The following ERBB3 variants were observed in gnomAD, a reference collection of about 807,000 sequenced individuals.
ERBB3 encodes erb-b2 receptor tyrosine kinase 3.
In ERBB3, 96 loss-of-function variants were observed where a neutral mutation model predicts 156.7. The observed-to-expected ratio is 0.61, with a 90% confidence interval of 0.52 to 0.73. The LOEUF (loss-of-function observed/expected upper bound fraction) is 0.73. Ranked by LOEUF, ERBB3 falls within the 30% of genes least tolerant of loss-of-function variation. ERBB3 has a pLI of 0.00. For missense variants in ERBB3, 1,406 were observed against 1,709.4 expected (o/e 0.82, Z 3.13); for synonymous variants, 567 against 632.0 (o/e 0.90, Z 1.54).
intron 17 of ERBB3, 48 bp downstream of exon 17, chr12:56,095,854 CCTGGAAGT>C (rs1357904280): frequency 1.2e-6 from 2 of 1,607,840 alleles, no homozygotes; most frequent in Admixed American, 3.3e-5. Flanking sequence ...TTTTGCATGT[CCTGGAAGT>C]CTCTTTATAG....
intron 23 of ERBB3, 82 bp downstream of exon 23, chr12:56,098,987 A>G: frequency 7.5e-7 from 1 of 1,336,664 alleles, no homozygotes; most frequent in Non-Finnish European, 1.0e-6. Flanking sequence ...AGAGTCTCAC[A>G]ATTGTCACCC....
rs375145270 is a variant in ERBB3 at position 56,100,223 on chromosome 12, G to A, written c.3179G>A (p.Gly1060Asp). ...PSSGYMPMNQ[G>D]NLGESCQESA... ...TCTGGATACATGCCCATGAACCAGGGTAATCTTGGGGAGTCTTGCCAGGTA... is the reference window on the plus strand; with the variant it reads ...TCTGGATACATGCCCATGAACCAGGATAATCTTGGGGAGTCTTGCCAGGTA... The change falls in exon 26 of 28, where the codon GGT becomes GAT. Residue 1060 changes from glycine (G) to aspartate (D), a missense_variant. This residue lies in a region of ERBB3 where 415 missense variants were observed against 454.1 expected (regional missense o/e 0.91). Transcript: ENST00000267101. 11 of 1,614,006 alleles carry A rather than the reference G, an allele frequency of 6.8e-6. No individual in the cohort carries two copies. Among genetic ancestry groups the A allele is most frequent in the Non-Finnish European group, 9.3e-6 (11 of 1,179,872 alleles).
At chr12:56,080,501 T>A (rs1868341264) in intron 1 of ERBB3, 119 bp downstream of exon 1, 1 of 810,910 alleles carries the variant, frequency 1.2e-6, no homozygotes, top group Non-Finnish European at 2.0e-6. Flanking sequence ...CTGCCCCCGG[T>A]TTGCCAGGAC....
chr12:56,086,431 C>G, intron 3 of ERBB3, 100 bp from the exon 4 acceptor site: 1 of 1,403,844 alleles, frequency 7.1e-7, no homozygotes, highest in Non-Finnish European at 1.0e-6. Context: ...GCCTCATTCT[C>G]CCACTCCTGA....
At position 56,100,251 on chromosome 12, in the gene ERBB3, T is replaced by A; in HGVS notation, c.3201+6T>A. ...ATCTTGGGGAGTCTTGCCAGGTAAG[T>A]TCTGTTGCTGAGAGGCTGGGTTTTA... is the stretch of plus-strand genomic sequence containing the variant. On this transcript the variant is annotated splice_donor_region_variant and intron_variant, in intron 26 of 27. Transcript: ENST00000267101. 1 of 1,610,570 alleles carries A rather than the reference T, an allele frequency of 6.2e-7. No individual in the cohort carries two copies. The highest frequency in any genetic ancestry group is 8.5e-7 in the Non-Finnish European group (1 of 1,176,764).
intron 20 of ERBB3, 43 bp downstream of exon 20, chr12:56,097,273 C>T (rs1320133039): frequency 1.3e-6 from 2 of 1,587,932 alleles, no homozygotes; most frequent in South Asian, 1.1e-5. Flanking sequence ...AACTGCTTGT[C>T]TGGGGGCCAG....
chr12:56,094,239 C>A, intron 14 of ERBB3, 50 bp downstream of exon 14: 1 of 1,506,752 alleles, frequency 6.6e-7, no homozygotes, highest in Non-Finnish European at 9.2e-7. Context: ...AGGGGCAATA[C>A]TTGGAGCATC....
chr12:56,101,084 T>G lies in ERBB3; in HGVS notation c.3225T>G (p.Ser1075Arg), dbSNP rs1869077540. ...AGGAGTCTGCAGTTTCTGGGAGCAG[T>G]GAACGGTGCCCCCGTCCAGTCTCTC... ...SCQESAVSGS[S>R]ERCPRPVSLH... The change falls in exon 27 of 28, where the codon AGT becomes AGG. Residue 1075 changes from serine to arginine, a missense_variant. Around this residue, in one of 3 missense-constraint regions of ERBB3, gnomAD observed 415 missense variants for 454.1 expected, o/e 0.91. Transcript: ENST00000267101. The G allele has an allele frequency of 1.2e-6, 2 of 1,613,974 alleles. No homozygotes were observed. Among genetic ancestry groups the G allele is most frequent in the Non-Finnish European group, 1.7e-6 (2 of 1,180,018 alleles).
chr12:56,081,592 A>G (rs543309579), intron 1 of ERBB3, among the ~76,000 whole-genome samples: 1 of 152,190 alleles, frequency 6.6e-6, no homozygotes, highest in South Asian at 2.1e-4. Context: ...GTGACTGTAT[A>G]ACTGTCCCAT....
At chr12:56,090,120 C>T (rs1408586876) in intron 9 of ERBB3, among the ~76,000 whole-genome samples, 1 of 151,770 alleles carries the variant, frequency 6.6e-6, no homozygotes, top group African/African-American at 2.4e-5. Flanking sequence ...CTGCCTCAGT[C>T]TCCTGAGTAG....
chr12:56,101,460 A>T, intron 27 of ERBB3, 69 bp from the exon 28 acceptor site: 2 of 1,596,116 alleles, frequency 1.3e-6, no homozygotes, highest in South Asian at 2.2e-5. Context: ...CTGTCCTATT[A>T]ATTTTTTCAA....
At chr12:56,081,142 C>T (rs1221855707) in intron 1 of ERBB3, among the ~76,000 whole-genome samples, 1 of 152,200 alleles carries the variant, frequency 6.6e-6, no homozygotes, top group Admixed American at 6.5e-5. Context: ...TTTCTCTCCC[C>T]AACCTGAGGA....
chr12:56,094,664 C>T, intron 15 of ERBB3, 108 bp downstream of exon 15: 1 of 1,371,186 alleles, frequency 7.3e-7, no homozygotes, highest in South Asian at 1.2e-5. Flanking sequence ...AGAATCACTC[C>T]CAGCTGGCCG....
rs1322436141 is a variant in ERBB3, at chr12:56,080,216, G to T, written c.-85G>T. 5 of 1,086,288 alleles carry T rather than the reference G, an allele frequency of 4.6e-6. No individual in the cohort carries two copies. The highest frequency in any genetic ancestry group is 6.8e-6 in the Non-Finnish European group (5 of 730,776). The allele number at this position is 1,086,288 out of a possible 1,614,324, so 67.3% of individuals were successfully genotyped here. On this transcript the variant is annotated 5_prime_UTR_variant, in exon 1 of 28. Transcript: ENST00000267101. ...CCGCAGCAGCCACCAATTCGCCAGC[G>T]GTTCAGGTGGCTCTTGCCTCGATGT...
chr12:56,095,264 G>C lies in ERBB3; in HGVS notation c.1867G>C (p.Gly623Arg). The change falls in exon 16 of 28, where the codon GGA (glycine) becomes CGA (arginine). Residue 623 changes from glycine to arginine, a missense_variant. Physicochemically the swap from Gly to Arg is moderately radical, Grantham distance 125 (BLOSUM62 -2). Coordinates refer to ENST00000267101, the MANE Select transcript of ERBB3 (RefSeq NM_001982.4). ...CHENCTQGCKGPELQDCLGQT... is the reference protein window; with the variant it reads ...CHENCTQGCKRPELQDCLGQT... Reference sequence around the variant, plus strand: ...GGTGACTTTCTTCCCTAGGTGTAAAGGACCAGAGCTTCAAGACTGTTTAGG... The same window carrying C: ...GGTGACTTTCTTCCCTAGGTGTAAACGACCAGAGCTTCAAGACTGTTTAGG... The C allele has an allele frequency of 1.2e-6, 2 of 1,613,526 alleles. No individual in the cohort carries two copies. Among genetic ancestry groups the C allele is most frequent in the Non-Finnish European group, 1.7e-6 (2 of 1,179,438 alleles).
intron 4 of ERBB3, among the ~76,000 whole-genome samples, chr12:56,087,188 A>T (rs1202207532): frequency 6.6e-6 from 1 of 151,184 alleles, no homozygotes; most frequent in Non-Finnish European, 1.5e-5. Context: ...CCAGATCTTT[A>T]GACTCCACAT....
At position 56,092,797 on chromosome 12, in the gene ERBB3, TC is replaced by T. The variant is rs752509988; in HGVS notation, c.1162del (p.Arg388GlyfsTer10). 1 of 1,614,146 alleles carries T rather than the reference TC, an allele frequency of 6.2e-7. No individual in the cohort carries two copies. The highest frequency in any genetic ancestry group is 8.5e-7 in the Non-Finnish European group (1 of 1,179,968). On this transcript the variant is annotated frameshift_variant, in exon 10 of 28. Coordinates refer to ENST00000267101, the MANE Select transcript of ERBB3 (RefSeq NM_001982.4). LOFTEE classifies it high-confidence loss of function. ...CTGGACCCAGAGAAGCTCAATGTCT[TC>T]CGGACAGTACGGGAGATCACAGGTG... is the stretch of plus-strand genomic sequence containing the variant. ...PALDPEKLNV[F>X]RTVREITGYL...
At chr12:56,092,155 C>T (rs1159484999) in intron 9 of ERBB3, among the ~76,000 whole-genome samples, 4 of 150,950 alleles carry the variant, frequency 2.6e-5, no homozygotes, top group Non-Finnish European at 5.9e-5. Context: ...TTTGGGAGGC[C>T]GAGGCGGGCG....
In ERBB3 at chr12:56,100,046, T is replaced by G; in HGVS notation, c.3129+17T>G. 1 of 1,612,880 alleles carries G rather than the reference T, an allele frequency of 6.2e-7. No homozygotes were observed. Among genetic ancestry groups the G allele is most frequent in the East Asian group, 2.2e-5 (1 of 44,884 alleles). Reference sequence around the variant, plus strand: ...CCACGTGGGGTAAGACAACTTCTAATTACCCAACACTTTGCACCCTGAGCC... The same window carrying G: ...CCACGTGGGGTAAGACAACTTCTAAGTACCCAACACTTTGCACCCTGAGCC... On this transcript the variant is annotated intron_variant, in intron 25 of 27. Transcript: ENST00000267101.
Sources: gnomAD v4.1 joint callset for allele counts (sites outside exome capture counted in the v4.1 genomes callset) on GRCh38, gnomAD v4.1.1 for gene constraint, gnomAD v4.1.1 regional missense constraint, MANE v1.5 for transcripts, NCBI Gene and HGNC (gene_info 2026-07-23, HGNC 2026-07-21) for gene names.